Variants in SSBP3 observed in about 807,000 individuals in gnomAD.
The protein encoded by SSBP3 is single-stranded DNA-binding protein 3.
A neutral mutation model predicts 69.6 loss-of-function variants in SSBP3; 5 were observed. That is an observed-to-expected ratio of 0.07 (90% CI 0.04 to 0.15). SSBP3 has a LOEUF of 0.15. Ranked by LOEUF, SSBP3 falls within the 10% of genes least tolerant of loss-of-function variation. The pLI is 1.00. For synonymous variants in SSBP3, 196 were observed against 193.4 expected (o/e 1.01, Z -0.11); for missense variants, 312 against 534.0 (o/e 0.58, Z 4.10).
chr1:54,272,658 G>A (rs1334722729), intron 5 of SSBP3, among the ~76,000 whole-genome samples: 3 of 152,158 alleles, frequency 2.0e-5, no homozygotes, highest in African/African-American at 7.2e-5. Flanking sequence ...GAAGGACCTC[G>A]TGGGGGCAGA....
In SSBP3 at chr1:54,404,070, T is replaced by C. The variant is rs1227927529; in HGVS notation, c.191+506A>G. The stretch of plus-strand genomic sequence containing the variant: ...GAAAGGAAGGACCAGTCAGTCTGAA[T>C]CAGTATCTTTAAAGGAAGTGGCAGC... On this transcript the variant is annotated intron_variant, in intron 3 of 17. Transcript: ENST00000610401. 2.6e-5 allele frequency among the ~76,000 whole-genome samples: 4 copies of C among 152,096 alleles called. No homozygotes were observed. The East Asian group carries it at 7.7e-4, about 29-fold the overall frequency.
chr1:54,397,872 A>T (rs1000780616), intron 4 of SSBP3, among the ~76,000 whole-genome samples: 1 of 151,796 alleles, frequency 6.6e-6, no homozygotes, highest in Admixed American at 6.6e-5. Flanking sequence ...ACCACAACAA[A>T]CCCCCTTCCC....
intron 4 of SSBP3, among the ~76,000 whole-genome samples, chr1:54,386,626 C>A (rs1648098546): frequency 6.7e-6 from 1 of 149,426 alleles, no homozygotes; most frequent in Non-Finnish European, 1.5e-5. Flanking sequence ...ACCCATCTAC[C>A]CTAATTGTGC....
At chr1:54,360,402 G>A (rs931901832) in intron 4 of SSBP3, among the ~76,000 whole-genome samples, 2 of 152,170 alleles carry the variant, frequency 1.3e-5, no homozygotes, top group Middle Eastern at 3.2e-3. Context: ...AAAAGAATTA[G>A]CAAACAAATT....
At position 54,385,397 on chromosome 1, in the gene SSBP3, G is replaced by A. The variant is rs182345077; in HGVS notation, c.276+16464C>T. Among the ~76,000 whole-genome samples the A allele has an allele frequency of 1.5e-3, 226 of 152,218 alleles. 2 individuals carry two copies. The highest frequency in any genetic ancestry group is 5.3e-3 in the African/African-American group (221 of 41,516). ...TTTTACAAGCTTCCCTATTTACCCA[G>A]GGCTACAAATCTATCAGTGGGGAAG... On this transcript the variant is annotated intron_variant, in intron 4 of 17. Coordinates refer to ENST00000610401, the Ensembl canonical transcript of SSBP3.
At chr1:54,227,235 C>A (rs1222650557) in intron 17 of SSBP3, 75 bp from the exon 18 acceptor site, 1 of 871,150 alleles carries the variant, frequency 1.1e-6, no homozygotes, top group Non-Finnish European at 2.0e-6. Context: ...GTGCCAAGAG[C>A]CTGGGGTGAC....
chr1:54,352,075 C>A (rs1195921426), intron 4 of SSBP3, among the ~76,000 whole-genome samples: 1 of 152,094 alleles, frequency 6.6e-6, no homozygotes. Context: ...GCAGGAGGAT[C>A]CCTTGAAGCC....
At chr1:54,371,009 G>A (rs562815486) in intron 4 of SSBP3, among the ~76,000 whole-genome samples, 13 of 152,256 alleles carry the variant, frequency 8.5e-5, no homozygotes, top group African/African-American at 3.1e-4. Context: ...TGATTGAAAA[G>A]ACAGGGCCAA....
chr1:54,405,020 C>A, intron 1 of SSBP3, 90 bp from the exon 2 acceptor site: 1 of 1,167,966 alleles, frequency 8.6e-7, no homozygotes. Flanking sequence ...GCTTTGAGCC[C>A]TGTCTGCGCC....
Position 54,275,310 on chromosome 1 carries a change from C to G in SSBP3, c.366+6128G>C, listed in dbSNP as rs1294063298. 2.0e-5 allele frequency among the ~76,000 whole-genome samples: 3 copies of G among 152,246 alleles called. 1 individual carries two copies. The highest frequency in any genetic ancestry group is 4.4e-5 in the Non-Finnish European group (3 of 68,050). On this transcript the variant is annotated intron_variant, in intron 5 of 17. Transcript: ENST00000610401. ...GGGACCCCAGCGCCCCGCCACCAAG[C>G]TTCCACTAGTAACAGGCTTCGGAAA...
chr1:54,337,219 C>T (rs961445575), intron 4 of SSBP3, among the ~76,000 whole-genome samples: 6 of 152,218 alleles, frequency 3.9e-5, no homozygotes, highest in African/African-American at 1.2e-4. Context: ...CCCACCCCAA[C>T]GGTTCACAGG....
intron 4 of SSBP3, among the ~76,000 whole-genome samples, chr1:54,341,023 T>C (rs1235170732): frequency 5.3e-5 from 8 of 152,216 alleles, no homozygotes; most frequent in African/African-American, 1.7e-4. Context: ...CAAGCCTCCA[T>C]TCCCTCCTCT....
At chr1:54,349,381 T>C (rs916565919) in intron 4 of SSBP3, among the ~76,000 whole-genome samples, 1 of 152,222 alleles carries the variant, frequency 6.6e-6, no homozygotes, top group African/African-American at 2.4e-5. Flanking sequence ...GCAAAACAAC[T>C]GCCGGGCATC....
intron 13 of SSBP3, among the ~76,000 whole-genome samples, chr1:54,240,506 A>G (rs1297632157): frequency 4.1e-5 from 6 of 147,458 alleles, no homozygotes; most frequent in African/African-American, 1.5e-4. Context: ...GGGATCTCCT[A>G]TATAGAGGAC....
At position 54,260,778 on chromosome 1, in the gene SSBP3, C is replaced by T. The variant is rs949075477; in HGVS notation, c.367-2629G>A. Among the ~76,000 whole-genome samples the T allele has an allele frequency of 6.8e-5, 10 of 147,826 alleles. No homozygotes were observed. In the East Asian group the frequency reaches 1.2e-3, roughly 18 times the overall value. On this transcript the variant is annotated intron_variant, in intron 5 of 17. Coordinates refer to ENST00000610401, the Ensembl canonical transcript of SSBP3. ...GGGGAACAAGCTGTTAAATCTGGGG[C>T]GGGAAGAGCAGCTAGAAGTCTTCCC...
chr1:54,314,430 A>T (rs1646059910), intron 4 of SSBP3, among the ~76,000 whole-genome samples: 1 of 152,214 alleles, frequency 6.6e-6, no homozygotes. Flanking sequence ...TATATCACAC[A>T]TGTCACCAAA....
At chr1:54,328,178 C>T (rs1238628734) in intron 4 of SSBP3, among the ~76,000 whole-genome samples, 2 of 152,146 alleles carry the variant, frequency 1.3e-5, no homozygotes, top group African/African-American at 4.8e-5. Flanking sequence ...CATCCTCTCT[C>T]CTTGCAAGCA....
chr1:54,393,975 G>T (rs1648678494), intron 4 of SSBP3, among the ~76,000 whole-genome samples: 1 of 152,174 alleles, frequency 6.6e-6, no homozygotes, highest in South Asian at 2.1e-4. Flanking sequence ...GGCCAGGCTG[G>T]TTTCTAATTC....
At chr1:54,396,250 A>C (rs1648878189) in intron 4 of SSBP3, among the ~76,000 whole-genome samples, 1 of 151,554 alleles carries the variant, frequency 6.6e-6, no homozygotes, top group Non-Finnish European at 1.5e-5. Flanking sequence ...ATCAAAAACA[A>C]ACAGTCATGA....
Sources: allele counts gnomAD v4.1 joint callset (sites outside exome capture counted in the v4.1 genomes callset), GRCh38; gene constraint gnomAD v4.1.1; transcripts MANE v1.5; gene names NCBI Gene and HGNC (gene_info 2026-07-23, HGNC 2026-07-21).